The following PVT1 variants were observed in gnomAD, a reference collection of about 807,000 sequenced individuals.
PVT1 encodes the protein Pvt1 oncogene.
At chr8:127,831,068 A>G (rs4733796) in intron 2 of PVT1, among the ~76,000 whole-genome samples, 93,351 of 148,754 alleles carry the variant, frequency 0.63, 29,300 homozygotes, top group African/African-American at 0.69. Context: ...GTGTGTGTAT[A>G]TATATATAGA....
chr8:128,044,014 T>A (rs200493356), intron 4 of PVT1, among the ~76,000 whole-genome samples: 48 of 54,368 alleles, frequency 8.8e-4, no homozygotes, highest in South Asian at 2.7e-3. Flanking sequence ...ATTATTTATT[T>A]ATTTTTTTTT....
chr8:128,019,203 T>C (rs1817406577), intron 4 of PVT1, among the ~76,000 whole-genome samples: 1 of 152,198 alleles, frequency 6.6e-6, no homozygotes, highest in Non-Finnish European at 1.5e-5. Flanking sequence ...AAATGAGGAA[T>C]TACAGCCTGG....
At position 127,928,808 on chromosome 8, in the gene PVT1, GC is replaced by G. The variant is rs1816164122; in HGVS notation, n.782+37813del. 2.0e-5 allele frequency among the ~76,000 whole-genome samples: 3 copies of G among 152,242 alleles called. No homozygotes were observed. The South Asian group carries it at 6.2e-4, about 31-fold the overall frequency. On this transcript the variant is annotated intron_variant and non_coding_transcript_variant, in intron 3 of 10. Transcript: ENST00000651587. Reference sequence around the variant, plus strand: ...TGAGAATAAGCCTGTGTCCGAGGCAGCCCTCCAAATACAGCAGGGCTGGGTT... The same window carrying G: ...TGAGAATAAGCCTGTGTCCGAGGCAGCCTCCAAATACAGCAGGGCTGGGTT...
chr8:128,055,304 T>C (rs985036042), intron 4 of PVT1, among the ~76,000 whole-genome samples: 1 of 152,210 alleles, frequency 6.6e-6, no homozygotes, highest in Non-Finnish European at 1.5e-5. Flanking sequence ...TATGCAGACT[T>C]TAGAATGAGA....
chr8:128,015,292 G>A (rs1199236079), intron 4 of PVT1, among the ~76,000 whole-genome samples: 1 of 151,920 alleles, frequency 6.6e-6, no homozygotes, highest in Non-Finnish European at 1.5e-5. Context: ...TTTTCACTAT[G>A]TTGACCAGGC....
chr8:128,069,322 C>T (rs577807895), intron 4 of PVT1, among the ~76,000 whole-genome samples: 4 of 152,114 alleles, frequency 2.6e-5, no homozygotes, highest in African/African-American at 9.7e-5. Context: ...AGTTAAACTT[C>T]AGTCATTACC....
At chr8:127,966,663 T>C (rs1816706066) in intron 3 of PVT1, among the ~76,000 whole-genome samples, 1 of 152,146 alleles carries the variant, frequency 6.6e-6, no homozygotes, top group Non-Finnish European at 1.5e-5. Context: ...GGGACTGCAA[T>C]TTTTGTGTGA....
At chr8:127,970,385 C>T (rs1816752308) in intron 3 of PVT1, among the ~76,000 whole-genome samples, 1 of 143,350 alleles carries the variant, frequency 7.0e-6, no homozygotes, top group African/African-American at 2.6e-5. Flanking sequence ...GCAAGCTCTG[C>T]CTCCCAGGCT....
intron 5 of PVT1, among the ~76,000 whole-genome samples, chr8:128,078,489 TACTTAGA>T (rs1814122330): frequency 6.6e-6 from 1 of 152,220 alleles, no homozygotes; most frequent in African/African-American, 2.4e-5. Context: ...TAGCCCAGAT[TACTTAGA>T]ACTTAGTACT....
chr8:128,065,852 G>A (rs1244469718), intron 4 of PVT1, among the ~76,000 whole-genome samples: 1 of 152,178 alleles, frequency 6.6e-6, no homozygotes, highest in African/African-American at 2.4e-5. Context: ...CCTGCCCTGT[G>A]GAACCTTTCG....
chr8:128,058,378 ATGTGTG>A (rs3041914), intron 4 of PVT1, among the ~76,000 whole-genome samples: 172 of 146,676 alleles, frequency 1.2e-3, no homozygotes, highest in African/African-American at 3.7e-3. Context: ...AAACTGATGC[ATGTGTG>A]TGTGTGTGTG....
chr8:127,994,566 T>C (rs1029998232), intron 4 of PVT1, among the ~76,000 whole-genome samples: 1 of 152,240 alleles, frequency 6.6e-6, no homozygotes, highest in African/African-American at 2.4e-5. Context: ...TGAAGATAGA[T>C]GCGTATCCAT....
intron 4 of PVT1, chr8:128,009,568 A>T (rs1010520724): frequency 6.6e-6 from 1 of 152,012 alleles, no homozygotes; most frequent in Non-Finnish European, 1.5e-5. Context: ...TTCAAAATAG[A>T]TTTTATTTTT....
At chr8:128,092,857 G>A (rs189259429) in intron 5 of PVT1, among the ~76,000 whole-genome samples, 14 of 152,122 alleles carry the variant, frequency 9.2e-5, no homozygotes, top group Non-Finnish European at 1.6e-4. Flanking sequence ...CTTTTGCACC[G>A]CCAGGAGATC....
intron 2 of PVT1, among the ~76,000 whole-genome samples, chr8:127,880,313 C>G (rs895362088): frequency 6.6e-6 from 1 of 151,912 alleles, no homozygotes; most frequent in Non-Finnish European, 1.5e-5. Flanking sequence ...TTCTTTGAGA[C>G]GGAGTCTTGC....
At position 127,820,702 on chromosome 8, in the gene PVT1, G is replaced by T. The variant is rs111680009; in HGVS notation, n.372+24631G>T. 9.5e-4 allele frequency among the ~76,000 whole-genome samples: 138 copies of T among 144,688 alleles called. 1 individual carries two copies. Among genetic ancestry groups the T allele is most frequent in the African/African-American group, 3.1e-3 (124 of 39,758 alleles). 94.9% of individuals were successfully genotyped at this position (144,688 alleles called of 152,430 possible). ...TTGGCCTCTCTGAGTCTTAGGTTTT[G>T]TTTTTTTTTTTTCTTTTGTGTTTTT... On this transcript the variant is annotated intron_variant and non_coding_transcript_variant, in intron 2 of 10. Transcript: ENST00000651587.
At chr8:127,803,331 A>C (rs534545688) in intron 2 of PVT1, 1 of 151,714 alleles carries the variant, frequency 6.6e-6, no homozygotes, top group East Asian at 2.0e-4. Context: ...AGGTTTCACC[A>C]TGTTAGCCAG....
At chr8:127,864,479 C>T (rs1469201833) in intron 2 of PVT1, among the ~76,000 whole-genome samples, 6 of 152,144 alleles carry the variant, frequency 3.9e-5, no homozygotes, top group Admixed American at 1.3e-4. Flanking sequence ...TTCTCTCCCA[C>T]CCCTCGCTCC....
At chr8:127,815,179 C>G (rs1227230265) in intron 2 of PVT1, among the ~76,000 whole-genome samples, 1 of 152,132 alleles carries the variant, frequency 6.6e-6, no homozygotes, top group Non-Finnish European at 1.5e-5. Context: ...GTTGGCCAGG[C>G]TGGTCTCAAA....
Sources: gnomAD v4.1 joint callset for allele counts (sites outside exome capture counted in the v4.1 genomes callset) on GRCh38, gnomAD v4.1.1 for gene constraint, MANE v1.5 for transcripts, NCBI Gene and HGNC (gene_info 2026-07-23, HGNC 2026-07-21) for gene names.